The following IGF2BP2 variants were observed in gnomAD, a reference collection of about 807,000 sequenced individuals.
IGF2BP2 encodes the protein insulin-like growth factor 2 mRNA-binding protein 2.
A neutral mutation model predicts 75.8 loss-of-function variants in IGF2BP2; 17 were observed. The ratio of observed to expected loss-of-function variants is 0.22; its 90% CI spans 0.15 to 0.34. The LOEUF is 0.34. Ranked by LOEUF, IGF2BP2 falls within the 10% of genes least tolerant of loss-of-function variation. IGF2BP2 has a pLI of 1.00. For missense variants in IGF2BP2, 516 were observed against 772.4 expected, an observed-to-expected ratio of 0.67 and a Z score of 3.93; for synonymous variants, 288 against 295.6, an observed-to-expected ratio of 0.97 and a Z score of 0.26.
chr3:185,672,558 G>C lies in IGF2BP2; in HGVS notation c.1183C>G (p.Pro395Ala). The C allele has an allele frequency of 6.2e-7, 1 of 1,612,938 alleles. No homozygotes were observed. The highest frequency in any genetic ancestry group is 8.5e-7 in the Non-Finnish European group (1 of 1,179,504). The change falls in exon 10 of 16, where the codon CCC (proline) becomes GCC (alanine). Residue 395 changes from proline (P) to alanine (A), a missense_variant. By Grantham distance (27) the Pro-to-Ala change is conservative. Transcript: ENST00000382199. ...AGPRGAPPAA[P>A]YHPFTTHSGY... ...CTACTTACAGTGAAGGGGTGGTAGG[G>C]GGCAGCGGGGGGAGCTCCGCGGGGC... is the stretch of plus-strand genomic sequence containing the variant.
chr3:185,652,015 A>G, intron 13 of IGF2BP2, 79 bp downstream of exon 13: 1 of 1,139,346 alleles, frequency 8.8e-7, no homozygotes. Context: ...GGGCCTCCAA[A>G]GAAGAGCCTT....
intron 2 of IGF2BP2, among the ~76,000 whole-genome samples, chr3:185,799,840 T>C (rs1342897241): frequency 2.0e-5 from 3 of 151,882 alleles, no homozygotes. Flanking sequence ...GGAGTGTAAA[T>C]TAGTTCAACC....
intron 2 of IGF2BP2, among the ~76,000 whole-genome samples, chr3:185,753,159 A>G (rs1237884267): frequency 6.6e-6 from 1 of 152,184 alleles, no homozygotes; most frequent in African/African-American, 2.4e-5. Context: ...GAGTGTCAGA[A>G]TTACCTTTCC....
intron 2 of IGF2BP2, among the ~76,000 whole-genome samples, chr3:185,769,194 A>G (rs1019087941): frequency 6.6e-6 from 1 of 152,112 alleles, no homozygotes; most frequent in African/African-American, 2.4e-5. Context: ...AATTTTTAAA[A>G]ATTAGCTGAG....
intron 2 of IGF2BP2, among the ~76,000 whole-genome samples, chr3:185,721,118 T>G (rs1726465758): frequency 6.6e-6 from 1 of 152,206 alleles, no homozygotes. Context: ...GAACAAAAAA[T>G]TAGTGTGTGG....
intron 2 of IGF2BP2, among the ~76,000 whole-genome samples, chr3:185,725,858 T>G (rs2149488776): frequency 6.6e-6 from 1 of 152,256 alleles, no homozygotes; most frequent in Admixed American, 6.5e-5. Context: ...GTAGTCCCAG[T>G]TACTTGGGAG....
chr3:185,756,258 T>C (rs914592715), intron 2 of IGF2BP2, among the ~76,000 whole-genome samples: 3 of 152,176 alleles, frequency 2.0e-5, no homozygotes, highest in Non-Finnish European at 4.4e-5. Flanking sequence ...TCTGCCATCA[T>C]TGGAAGCTTC....
At chr3:185,763,848 T>A (rs1732699098) in intron 2 of IGF2BP2, among the ~76,000 whole-genome samples, 1 of 152,096 alleles carries the variant, frequency 6.6e-6, no homozygotes, top group Non-Finnish European at 1.5e-5. Flanking sequence ...TGGGAAACAG[T>A]CTCTAAAGAA....
chr3:185,767,318 C>T (rs1733221283), intron 2 of IGF2BP2, among the ~76,000 whole-genome samples: 1 of 152,232 alleles, frequency 6.6e-6, no homozygotes, highest in African/African-American at 2.4e-5. Flanking sequence ...CAGAGACCAA[C>T]ACAAGTTCAG....
chr3:185,658,442 T>C, intron 10 of IGF2BP2, 33 bp from the exon 11 acceptor site: 1 of 1,593,468 alleles, frequency 6.3e-7, no homozygotes, highest in Non-Finnish European at 8.6e-7. Context: ...AGTGGGCGGG[T>C]GCTCTCAGGG....
chr3:185,731,804 T>C (rs905039258), intron 2 of IGF2BP2, among the ~76,000 whole-genome samples: 1 of 151,726 alleles, frequency 6.6e-6, no homozygotes, highest in Non-Finnish European at 1.5e-5. Context: ...TGAAACCCCA[T>C]CTCTACTAAA....
At chr3:185,677,068 T>TATATATATATATATATAGAGAGAG in intron 7 of IGF2BP2, among the ~76,000 whole-genome samples, 24 of 35,846 alleles carry the variant, frequency 6.7e-4, no homozygotes, top group Non-Finnish European at 8.4e-4. Flanking sequence ...TATATATATA[T>TATATATATATATATATAGAGAGAG]AGAGAGAGAG....
At chr3:185,746,648 A>G (rs1176775668) in intron 2 of IGF2BP2, among the ~76,000 whole-genome samples, 1 of 152,212 alleles carries the variant, frequency 6.6e-6, no homozygotes, top group Non-Finnish European at 1.5e-5. Flanking sequence ...GGAAGATTAT[A>G]TATGAGGGCG....
chr3:185,683,494 C>T (rs1382527430), intron 7 of IGF2BP2, among the ~76,000 whole-genome samples: 3 of 152,034 alleles, frequency 2.0e-5, no homozygotes, highest in East Asian at 1.9e-4. Flanking sequence ...CTGCAACCTC[C>T]GCCTCCTGGG....
intron 7 of IGF2BP2, among the ~76,000 whole-genome samples, chr3:185,686,149 C>T (rs559645891): frequency 3.3e-5 from 5 of 151,950 alleles, no homozygotes; most frequent in African/African-American, 1.2e-4. Context: ...TTTGGGAGGA[C>T]GAGGTGGGCA....
intron 15 of IGF2BP2, 127 bp downstream of exon 15, chr3:185,646,898 C>T: frequency 1.4e-6 from 1 of 707,076 alleles, no homozygotes; most frequent in South Asian, 1.6e-5. Context: ...CAGGAAGAAC[C>T]AGGGAGAGGT....
At chr3:185,758,531 T>C (rs920484707) in intron 2 of IGF2BP2, among the ~76,000 whole-genome samples, 8 of 151,924 alleles carry the variant, frequency 5.3e-5, no homozygotes, top group South Asian at 2.1e-4. Context: ...TGGCACGGAG[T>C]AGATGTTCAG....
At chr3:185,669,973 G>A (rs1392635088) in intron 10 of IGF2BP2, among the ~76,000 whole-genome samples, 5 of 152,258 alleles carry the variant, frequency 3.3e-5, no homozygotes, top group African/African-American at 9.6e-5. Context: ...AGTGAGGGCC[G>A]CCTCCATGCC....
chr3:185,800,276 G>A lies in IGF2BP2; in HGVS notation c.239+22877C>T, dbSNP rs932536946. On this transcript the variant is annotated intron_variant, in intron 2 of 15. Coordinates refer to ENST00000382199, the MANE Select transcript of IGF2BP2 (RefSeq NM_006548.6). ...GGAACGTCATAGACCGGGGCCTGTC[G>A]GAGAGTGGGGGACTGGGGGAGGTAT... 6.6e-5 allele frequency among the ~76,000 whole-genome samples: 10 copies of A among 152,006 alleles called. 1 individual carries two copies. The highest frequency in any genetic ancestry group is 4.2e-4 in the South Asian group (2 of 4,798).
Sources: gnomAD v4.1 joint callset for allele counts (sites outside exome capture counted in the v4.1 genomes callset) on GRCh38, gnomAD v4.1.1 for gene constraint, MANE v1.5 for transcripts, NCBI Gene and HGNC (gene_info 2026-07-23, HGNC 2026-07-21) for gene names.